Variants in TRPM3 observed in about 807,000 individuals in gnomAD.
TRPM3 encodes transient receptor potential cation channel subfamily M member 3, also known as long transient receptor potential channel 3.
TRPM3 carries 77 observed loss-of-function variants against 181.2 expected under a neutral mutation model. That is an observed-to-expected ratio of 0.42 (90% CI 0.35 to 0.51). The LOEUF (loss-of-function observed/expected upper bound fraction) is 0.51, where lower values mean the gene tolerates loss of function less well. Among genes scored for constraint, TRPM3 ranks in the 20% least tolerant of loss-of-function variants. The pLI, the probability that TRPM3 is intolerant of heterozygous loss-of-function variation, is 0.01. For missense variants in TRPM3, 1,759 were observed against 2,196.7 expected, an observed-to-expected ratio of 0.80 and a Z score of 3.98; for synonymous variants, 745 against 796.4, an observed-to-expected ratio of 0.94 and a Z score of 1.09.
intron 21 of TRPM3, among the ~76,000 whole-genome samples, chr9:70,597,355 A>G (rs1011313118): frequency 4.6e-5 from 7 of 152,214 alleles, no homozygotes; most frequent in African/African-American, 1.7e-4. Flanking sequence ...TGCAGGCATG[A>G]CCCACTGTGT....
At chr9:70,650,888 C>T (rs575243602) in intron 9 of TRPM3, among the ~76,000 whole-genome samples, 76 of 152,228 alleles carry the variant, frequency 5.0e-4, no homozygotes, top group African/African-American at 1.7e-3. Flanking sequence ...TTTGGCATTT[C>T]AGCTTTTAAG....
At chr9:70,804,095 C>T (rs1261362235) in intron 6 of TRPM3, among the ~76,000 whole-genome samples, 1 of 151,988 alleles carries the variant, frequency 6.6e-6, no homozygotes, top group African/African-American at 2.4e-5. Context: ...CTTTGGGAGG[C>T]CGAGGCGGGT....
chr9:70,998,202 CAT>C (rs1283880506), intron 1 of TRPM3, among the ~76,000 whole-genome samples: 19 of 143,960 alleles, frequency 1.3e-4, no homozygotes, highest in South Asian at 8.7e-4. Flanking sequence ...CACATATATA[CAT>C]ATATATACAC....
At chr9:71,397,188 A>G (rs2093221731) in intron 1 of TRPM3, among the ~76,000 whole-genome samples, 1 of 152,212 alleles carries the variant, frequency 6.6e-6, no homozygotes, top group East Asian at 1.9e-4. Context: ...CCATTTAGAT[A>G]AAGATCATTT....
intron 8 of TRPM3, among the ~76,000 whole-genome samples, chr9:70,737,468 T>TAAC (rs200951217): frequency 0.15 from 4,141 of 28,326 alleles, 554 homozygotes; most frequent in Middle Eastern, 0.21. Context: ...AGAACAACAA[T>TAAC]AACAACAACA....
At chr9:71,196,990 G>A (rs939524954) in intron 1 of TRPM3, among the ~76,000 whole-genome samples, 2 of 151,844 alleles carry the variant, frequency 1.3e-5, no homozygotes, top group Non-Finnish European at 2.9e-5. Context: ...TTAACATTAG[G>A]TATATCTCCC....
intron 1 of TRPM3, among the ~76,000 whole-genome samples, chr9:71,174,970 G>C (rs1432483169): frequency 6.6e-6 from 1 of 152,164 alleles, no homozygotes; most frequent in African/African-American, 2.4e-5. Flanking sequence ...AAATGAATGA[G>C]AGACTGAGGG....
chr9:71,085,890 T>C (rs575550714), intron 1 of TRPM3, among the ~76,000 whole-genome samples: 81 of 152,154 alleles, frequency 5.3e-4, no homozygotes, highest in African/African-American at 1.8e-3. Context: ...AAAAAACACA[T>C]GCACTTGCAT....
chr9:71,175,697 G>A (rs887083244), intron 1 of TRPM3, among the ~76,000 whole-genome samples: 5 of 152,134 alleles, frequency 3.3e-5, no homozygotes, highest in African/African-American at 1.2e-4. Context: ...GGTCGCATAG[G>A]TTTTCAACAT....
chr9:71,142,930 T>C (rs919612914), intron 1 of TRPM3, among the ~76,000 whole-genome samples: 130 of 146,658 alleles, frequency 8.9e-4, no homozygotes, highest in African/African-American at 3.2e-3. Context: ...CTGGGAACCA[T>C]AGGGAAATAA....
At chr9:71,075,196 C>A (rs1396790421) in intron 1 of TRPM3, among the ~76,000 whole-genome samples, 1 of 152,064 alleles carries the variant, frequency 6.6e-6, no homozygotes. Context: ...AAGAGTCTAT[C>A]CTTAGATTTC....
intron 7 of TRPM3, among the ~76,000 whole-genome samples, chr9:70,783,348 G>C (rs2082877034): frequency 6.6e-6 from 1 of 152,088 alleles, no homozygotes; most frequent in Non-Finnish European, 1.5e-5. Context: ...TGGCTTCCCT[G>C]GGTTTTACCC....
chr9:71,095,758 C>CAAAAAAAAAAAAAAAAAAAAGAA (rs2067059318), intron 1 of TRPM3, among the ~76,000 whole-genome samples: 1 of 85,310 alleles, frequency 1.2e-5, no homozygotes. Flanking sequence ...GACTCTGTGT[C>CAAAAAAAAAAAAAAAAAAAAGAA]AAAAAAAAAA....
intron 6 of TRPM3, among the ~76,000 whole-genome samples, chr9:70,789,452 C>T (rs2084803550): frequency 6.6e-6 from 1 of 152,050 alleles, no homozygotes; most frequent in South Asian, 2.1e-4. Flanking sequence ...AAAATACAGT[C>T]TGTAGGAAAA....
rs191084637 is a variant in TRPM3, at chr9:70,652,538, T to C, written c.1346-11878A>G. Among the ~76,000 whole-genome samples, 169 of 152,194 alleles carry C rather than the reference T, an allele frequency of 1.1e-3. 2 individuals carry two copies. Among genetic ancestry groups the C allele is most frequent in the African/African-American group, 3.9e-3 (162 of 41,536 alleles). ...GACACCAAGGAAAGGTAAAAATAAA[T>C]AGAATTTTCATCATACAGTGACAGC... On this transcript the variant is annotated intron_variant, in intron 9 of 25. Transcript: ENST00000677713.
chr9:71,145,144 T>G (rs572909639), intron 1 of TRPM3, among the ~76,000 whole-genome samples: 1 of 152,290 alleles, frequency 6.6e-6, no homozygotes, highest in South Asian at 2.1e-4. Context: ...CTGTTTATCA[T>G]CATAATTATA....
intron 1 of TRPM3, among the ~76,000 whole-genome samples, chr9:70,933,246 G>A (rs1410898950): frequency 1.3e-5 from 2 of 152,132 alleles, no homozygotes; most frequent in African/African-American, 4.8e-5. Context: ...AAAGGGTCCA[G>A]AGTGGCGATA....
chr9:70,536,522 T>C lies in TRPM3; in HGVS notation c.4591A>G (p.Lys1531Glu). The stretch of plus-strand genomic sequence containing the variant: ...GGGGAAAACATAAAGCTATGAGATT[T>C]CACAATGGGAGCCTCTTCTAGAAGA... Reference protein sequence around the residue: ...PFLLEEAPIVKSHSFMFSPSR... With the variant: ...PFLLEEAPIVESHSFMFSPSR... The change falls in exon 26 of 26, where the codon AAA becomes GAA. Residue 1531 changes from lysine (K) to glutamate (E), a missense_variant. Physicochemically the swap from Lys to Glu is moderately conservative, Grantham distance 56. This residue lies in a region of TRPM3 where 612 missense variants were observed against 590.0 expected (regional missense o/e 1.04). Transcript: ENST00000677713. 6.2e-7 allele frequency: 1 copy of C among 1,614,166 alleles called. No individual in the cohort carries two copies. The highest frequency in any genetic ancestry group is 1.1e-5 in the South Asian group (1 of 91,088).
chr9:70,769,339 A>G (rs1162404359), intron 7 of TRPM3, among the ~76,000 whole-genome samples: 3 of 152,118 alleles, frequency 2.0e-5, no homozygotes, highest in African/African-American at 7.2e-5. Context: ...ACTATTCTGT[A>G]GTCCTGACCT....
Sources: allele counts gnomAD v4.1 joint callset (sites outside exome capture counted in the v4.1 genomes callset), GRCh38; gene constraint gnomAD v4.1.1; regional missense constraint gnomAD v4.1.1; transcripts MANE v1.5; gene names NCBI Gene and HGNC (gene_info 2026-07-23, HGNC 2026-07-21).